Variants in CACNA1C observed in about 807,000 individuals in gnomAD.
The protein encoded by CACNA1C is calcium voltage-gated channel subunit alpha1 C, also known as voltage-dependent L-type calcium channel subunit alpha-1C.
Under a neutral mutation model 229.0 loss-of-function variants are expected in CACNA1C, and 30 were observed. That is an observed-to-expected ratio of 0.13 (90% CI 0.10 to 0.18). CACNA1C has a LOEUF of 0.18. Among genes scored for constraint, CACNA1C ranks in the 10% least tolerant of loss-of-function variants. The pLI is 1.00. For missense variants in CACNA1C, 1,658 were observed against 2,845.0 expected (o/e 0.58, Z 9.49); for synonymous variants, 1,114 against 1,132.5 (o/e 0.98, Z 0.33).
At chr12:2,584,102 C>T (rs2061548788) in intron 15 of CACNA1C, among the ~76,000 whole-genome samples, 1 of 152,240 alleles carries the variant, frequency 6.6e-6, no homozygotes, top group South Asian at 2.1e-4. Flanking sequence ...AAGCCACCCC[C>T]TCAGCGCCCA....
At chr12:2,276,513 G>C (rs1306041716) in intron 3 of CACNA1C, among the ~76,000 whole-genome samples, 1 of 152,238 alleles carries the variant, frequency 6.6e-6, no homozygotes, top group Non-Finnish European at 1.5e-5. Context: ...GACCTGTTCA[G>C]CTTCTCCTGA....
intron 31 of CACNA1C, 77 bp downstream of exon 31, chr12:2,648,584 C>CCA: frequency 7.2e-7 from 1 of 1,388,218 alleles, no homozygotes; most frequent in East Asian, 2.3e-5. Context: ...ACCCCGAACT[C>CCA]CAGAGTCCCT....
chr12:2,608,790 C>A lies in CACNA1C; in HGVS notation c.3558+78C>A. ...GCCTGCGGCCCACCCCGCAGAGGGG[C>A]TGCGACAGGGAGAGGCCGTGCAGAT... On this transcript the variant is annotated intron_variant, in intron 27 of 46. Coordinates refer to ENST00000399655, the MANE Select transcript of CACNA1C (RefSeq NM_000719.7). The surrounding 1 kb of genome is among the most constrained non-coding windows in gnomAD (Gnocchi z 4.2). The A allele has an allele frequency of 7.0e-7, 1 of 1,436,124 alleles. No homozygotes were observed. Among genetic ancestry groups the A allele is most frequent in the Non-Finnish European group, 9.7e-7 (1 of 1,034,932 alleles). 89.0% of individuals were successfully genotyped at this position (1,436,124 alleles called of 1,614,324 possible). A position where few individuals can be genotyped will look rare whatever the true frequency, so the allele number is the denominator to read the frequency against.
intron 30 of CACNA1C, among the ~76,000 whole-genome samples, chr12:2,635,043 C>T (rs2092281728): frequency 1.3e-5 from 2 of 152,304 alleles, no homozygotes; most frequent in South Asian, 2.1e-4. Context: ...TGTCTGAACT[C>T]TTCTCTAGAG....
At position 2,053,058 on chromosome 12, in the gene CACNA1C, A is replaced by AGCG. The variant is rs764320977; in HGVS notation, c.-493_-491dup. ...GCTCGGCGCGGCGCGGCGGGCCCGG[A>AGCG]GCGGCGGCGGCGGCTCTTCCTGCCT... is the stretch of plus-strand genomic sequence containing the variant. On this transcript the variant is annotated 5_prime_UTR_variant, in exon 1 of 47. Coordinates refer to ENST00000399655, the MANE Select transcript of CACNA1C (RefSeq NM_000719.7). This position sits in a 1 kb window ranked among gnomAD's most constrained non-coding sequence, Gnocchi z 5.8. 62 of 983,270 alleles carry AGCG rather than the reference A, an allele frequency of 6.3e-5. 1 individual carries two copies. In the East Asian group the frequency reaches 2.4e-3, roughly 38 times the overall value. The allele number at this position is 983,270 out of a possible 1,614,324, so 60.9% of individuals were successfully genotyped here.
intron 1 of CACNA1C, among the ~76,000 whole-genome samples, chr12:2,073,963 G>T (rs1014742471): frequency 1.3e-5 from 2 of 152,212 alleles, no homozygotes; most frequent in Admixed American, 6.5e-5. Context: ...AAAGTGTTCA[G>T]TGATGGATTA....
At chr12:2,615,190 A>G (rs1226496407) in intron 29 of CACNA1C, among the ~76,000 whole-genome samples, 1 of 152,280 alleles carries the variant, frequency 6.6e-6, no homozygotes, top group East Asian at 1.9e-4. Context: ...TGGCCCCTGC[A>G]CCCCACACGA....
intron 1 of CACNA1C, among the ~76,000 whole-genome samples, chr12:2,078,790 A>G (rs2064233524): frequency 6.6e-6 from 1 of 152,210 alleles, no homozygotes; most frequent in Non-Finnish European, 1.5e-5. Context: ...TATATACCCA[A>G]AGGATTATAA....
chr12:2,146,528 C>CA (rs1478796232), intron 3 of CACNA1C, among the ~76,000 whole-genome samples: 3 of 151,076 alleles, frequency 2.0e-5, no homozygotes, highest in African/African-American at 7.3e-5. Context: ...ACTGGCGCCA[C>CA]AGGAGGGGCA....
rs145840177 is a variant in CACNA1C at position 2,589,587 on chromosome 12, C to T, written c.2531-3626C>T. 1.4e-3 allele frequency among the ~76,000 whole-genome samples: 217 copies of T among 152,296 alleles called. 4 individuals are homozygous for T. The highest frequency in any genetic ancestry group is 4.9e-3 in the African/African-American group (204 of 41,570). ...CAGGGCAGGAGGGCAGGGCAGAAGGCGCAGGGCCATGCGGGAGGCTGGGTC... is the reference window on the plus strand; with the variant it reads ...CAGGGCAGGAGGGCAGGGCAGAAGGTGCAGGGCCATGCGGGAGGCTGGGTC... On this transcript the variant is annotated intron_variant, in intron 18 of 46. Coordinates refer to ENST00000399655, the MANE Select transcript of CACNA1C (RefSeq NM_000719.7).
intron 1 of CACNA1C, among the ~76,000 whole-genome samples, chr12:2,045,457 A>G (rs1157387488): frequency 6.6e-6 from 1 of 152,228 alleles, no homozygotes; most frequent in Non-Finnish European, 1.5e-5. Flanking sequence ...TGGCTTGGCC[A>G]GGTTACTGAA....
At chr12:2,145,846 G>T (rs1032003135) in intron 3 of CACNA1C, among the ~76,000 whole-genome samples, 1 of 151,100 alleles carries the variant, frequency 6.6e-6, no homozygotes, top group Non-Finnish European at 1.5e-5. Context: ...GGGAGGCCCT[G>T]CAGTGTAGAG....
chr12:2,009,574 C>A (rs1307626884), intron 1 of CACNA1C, among the ~76,000 whole-genome samples: 2 of 152,154 alleles, frequency 1.3e-5, no homozygotes, highest in Non-Finnish European at 2.9e-5. Flanking sequence ...TTTCAGGATG[C>A]CCCTAAGAAT....
At chr12:2,481,516 C>A (rs543354113) in intron 5 of CACNA1C, among the ~76,000 whole-genome samples, 2 of 152,226 alleles carry the variant, frequency 1.3e-5, no homozygotes, top group Non-Finnish European at 2.9e-5. Context: ...CCATCCTCCC[C>A]TTTTCCCGAG....
chr12:2,245,611 C>T (rs1191682140), intron 3 of CACNA1C, among the ~76,000 whole-genome samples: 1 of 152,176 alleles, frequency 6.6e-6, no homozygotes, highest in East Asian at 1.9e-4. Flanking sequence ...CCCCAGAACA[C>T]CTAGTACAGA....
intron 43 of CACNA1C, among the ~76,000 whole-genome samples, chr12:2,683,086 A>T (rs1419428750): frequency 1.3e-5 from 2 of 152,194 alleles, no homozygotes; most frequent in Non-Finnish European, 2.9e-5. Flanking sequence ...CTTATAATGA[A>T]GCTGCCCAGA....
intron 1 of CACNA1C, among the ~76,000 whole-genome samples, chr12:2,078,661 A>G (rs1004352214): frequency 6.6e-6 from 1 of 152,236 alleles, no homozygotes; most frequent in African/African-American, 2.4e-5. Flanking sequence ...AACAATGCAC[A>G]TATAGTTAAC....
At chr12:2,612,133 C>T in intron 29 of CACNA1C, 120 bp downstream of exon 29, 1 of 665,010 alleles carries the variant, frequency 1.5e-6, no homozygotes, top group South Asian at 1.7e-5. Context: ...GGTGAAGGAC[C>T]ATCCCTGCTC....
Position 2,581,059 on chromosome 12 carries a change from C to T in CACNA1C, c.1896-531C>T, listed in dbSNP as rs138456323. Among the ~76,000 whole-genome samples, 293 of 152,326 alleles carry T rather than the reference C, an allele frequency of 1.9e-3. 1 individual carries two copies. Among genetic ancestry groups the T allele is most frequent in the African/African-American group, 6.8e-3 (282 of 41,580 alleles). Reference sequence around the variant, plus strand: ...CCTAATTCCTGCCTCTGCTAGAAGGCTGCTGCCTATAGGCTGAGCTCAGAC... The same window carrying T: ...CCTAATTCCTGCCTCTGCTAGAAGGTTGCTGCCTATAGGCTGAGCTCAGAC... On this transcript the variant is annotated intron_variant, in intron 13 of 46. Transcript: ENST00000399655.
Sources: allele counts gnomAD v4.1 joint callset (sites outside exome capture counted in the v4.1 genomes callset), GRCh38; gene constraint gnomAD v4.1.1; non-coding constraint Gnocchi (gnomAD v3.1); transcripts MANE v1.5; gene names NCBI Gene and HGNC (gene_info 2026-07-23, HGNC 2026-07-21).